Variants in TAF6L observed in about 807,000 individuals in gnomAD.
TAF6L encodes TAF6-like RNA polymerase II p300/CBP-associated factor-associated factor 65 kDa subunit 6L.
A neutral mutation model predicts 57.3 loss-of-function variants in TAF6L; 34 were observed. The observed-to-expected ratio is 0.59, with a 90% CI of 0.45 to 0.79. The LOEUF (loss-of-function observed/expected upper bound fraction) is 0.79. Ranked by LOEUF, TAF6L falls within the 30% of genes least tolerant of loss-of-function variation. The probability of loss-of-function intolerance (pLI) is 0.00; values close to 1 mark genes in which losing one functional copy is unlikely to be tolerated. For synonymous variants in TAF6L, 417 were observed against 376.3 expected, an observed-to-expected ratio of 1.11 and a Z score of -1.25; for missense variants, 782 against 853.2, an observed-to-expected ratio of 0.92 and a Z score of 1.04.
intron 9 of TAF6L, among the ~76,000 whole-genome samples, chr11:62,784,458 C>G (rs1030233676): frequency 1.3e-5 from 2 of 151,596 alleles, no homozygotes; most frequent in African/African-American, 4.9e-5. Context: ...AGGCGCCCGC[C>G]ACCATGCCCG....
At chr11:62,775,519 GT>G in intron 1 of TAF6L, 1 of 409,046 alleles carries the variant, frequency 2.4e-6, no homozygotes. Flanking sequence ...CACATAGAAG[GT>G]GACAGGGCAG....
chr11:62,783,428 G>A (rs1323346406), intron 9 of TAF6L, among the ~76,000 whole-genome samples: 1 of 151,412 alleles, frequency 6.6e-6, no homozygotes, highest in Non-Finnish European at 1.5e-5. Context: ...CTTGCAGTGA[G>A]CCGAGATTGC....
rs752585819 is a variant in TAF6L at position 62,787,315 on chromosome 11, C to G, written c.*19C>G. ...GCTCTGAGTCAGTGGCCCCTTCGTT[C>G]CTTGTAAATAAATCCCGCCCCCGGA... On this transcript the variant is annotated 3_prime_UTR_variant, in exon 11 of 11. Coordinates refer to ENST00000294168, the MANE Select transcript of TAF6L (RefSeq NM_006473.4). The G allele has an allele frequency of 6.6e-7, 1 of 1,526,696 alleles. No individual in the cohort carries two copies. The highest frequency in any genetic ancestry group is 1.4e-5 in the African/African-American group (1 of 71,448). 94.6% of individuals were successfully genotyped at this position (1,526,696 alleles called of 1,614,324 possible).
chr11:62,776,765 C>T (rs1163284532), intron 3 of TAF6L, among the ~76,000 whole-genome samples: 1 of 151,158 alleles, frequency 6.6e-6, no homozygotes, highest in African/African-American at 2.4e-5. Flanking sequence ...GCATGAGAAT[C>T]GCTTGAACCT....
Position 62,787,309 on chromosome 11 carries a change from T to C in TAF6L, c.*13T>C, listed in dbSNP as rs769202376. 3 of 1,530,570 alleles carry C rather than the reference T, an allele frequency of 2.0e-6. No homozygotes were observed. Among genetic ancestry groups the C allele is most frequent in the Non-Finnish European group, 1.7e-6 (2 of 1,146,242 alleles). 94.8% of individuals were successfully genotyped at this position (1,530,570 alleles called of 1,614,324 possible). ...CTTGCCGCTCTGAGTCAGTGGCCCC[T>C]TCGTTCCTTGTAAATAAATCCCGCC... is the stretch of plus-strand genomic sequence containing the variant. On this transcript the variant is annotated 3_prime_UTR_variant, in exon 11 of 11. Transcript: ENST00000294168.
chr11:62,778,411 C>A, intron 5 of TAF6L, 76 bp downstream of exon 5: 1 of 1,543,308 alleles, frequency 6.5e-7, no homozygotes, highest in Non-Finnish European at 8.9e-7. Context: ...CCTATGTGCC[C>A]CCGAGTCTGC....
intron 6 of TAF6L, 56 bp downstream of exon 6, chr11:62,779,019 GTTT>G (rs373542247): frequency 4.3e-3 from 3,938 of 922,078 alleles, no homozygotes; most frequent in East Asian, 5.3e-3. Context: ...TTCTAGACCT[GTTT>G]TTTTTTTTTT....
intron 2 of TAF6L, 69 bp downstream of exon 2, chr11:62,775,999 C>G: frequency 6.6e-7 from 1 of 1,520,668 alleles, no homozygotes; most frequent in Non-Finnish European, 8.9e-7. Context: ...CCTCCACCCT[C>G]GCTGATTTAT....
chr11:62,783,737 T>C (rs185178218), intron 9 of TAF6L, among the ~76,000 whole-genome samples: 1 of 151,762 alleles, frequency 6.6e-6, no homozygotes, highest in Non-Finnish European at 1.5e-5. Flanking sequence ...TTCATCATGT[T>C]AGCCAGGCTG....
chr11:62,778,466 G>T, intron 5 of TAF6L, 131 bp downstream of exon 5: 2 of 1,117,466 alleles, frequency 1.8e-6, no homozygotes, highest in Non-Finnish European at 2.6e-6. Flanking sequence ...CATGGTCTGA[G>T]TGGGCGCTGG....
At chr11:62,783,299 G>A (rs1051184519) in intron 9 of TAF6L, among the ~76,000 whole-genome samples, 1 of 152,028 alleles carries the variant, frequency 6.6e-6, no homozygotes, top group African/African-American at 2.4e-5. Flanking sequence ...TGGCTAACAC[G>A]GTGAAACCCC....
At position 62,779,952 on chromosome 11, in the gene TAF6L, C is replaced by CTATA. The variant is rs1225374367; in HGVS notation, c.531+1011_531+1014dup. 4.4e-3 allele frequency among the ~76,000 whole-genome samples: 439 copies of CTATA among 100,034 alleles called. 10 individuals carry two copies. The highest frequency in any genetic ancestry group is 8.1e-3 in the Middle Eastern group (1 of 124). 65.6% of individuals were successfully genotyped at this position (100,034 alleles called of 152,430 possible). ...AAGTGGTGGGATTACAGGCGTGAGC[C>CTATA]TATATATATATATATATATATATAT... is the stretch of plus-strand genomic sequence containing the variant. On this transcript the variant is annotated intron_variant, in intron 6 of 10. Transcript: ENST00000294168.
chr11:62,779,067 C>G, intron 6 of TAF6L, 104 bp downstream of exon 6: 7 of 970,772 alleles, frequency 7.2e-6, no homozygotes, highest in Non-Finnish European at 1.1e-5. Flanking sequence ...GTTGCCCAGG[C>G]TGGAGTGCAA....
Position 62,781,981 on chromosome 11 carries a change from G to A in TAF6L, c.606+13G>A. On this transcript the variant is annotated intron_variant, in intron 7 of 10. Coordinates refer to ENST00000294168, the MANE Select transcript of TAF6L (RefSeq NM_006473.4). ...TGTGGTCAGTGGGGTAAGTGACCAG[G>A]CTGGGACAGGGAGAATGTTTTATAA... is the stretch of plus-strand genomic sequence containing the variant. 1 of 1,613,688 alleles carries A rather than the reference G, an allele frequency of 6.2e-7. No homozygotes were observed. The highest frequency in any genetic ancestry group is 2.2e-5 in the East Asian group (1 of 44,880).
In TAF6L at chr11:62,781,912, C is replaced by A; in HGVS notation, c.550C>A (p.Gln184Lys). 1 of 1,614,146 alleles carries A rather than the reference C, an allele frequency of 6.2e-7. No individual in the cohort carries two copies. Among genetic ancestry groups the A allele is most frequent in the Non-Finnish European group, 8.5e-7 (1 of 1,180,036 alleles). ...QLMKVALQDL[Q>K]TNSKIGALLP... ...CTTTTAGGTTGCACTCCAGGACTTG[C>A]AGACGAACTCCAAGATTGGGGCACT... Residue 184 changes from glutamine to lysine, a missense_variant, in exon 7 of 11, where the codon CAG becomes AAG. Physicochemically the swap from Gln to Lys is moderately conservative, Grantham distance 53. Around this residue, in one of 3 missense-constraint regions of TAF6L, gnomAD observed 220 missense variants for 252.1 expected, o/e 0.87. Coordinates refer to ENST00000294168, the MANE Select transcript of TAF6L (RefSeq NM_006473.4).
At chr11:62,781,283 C>T (rs542086888) in intron 6 of TAF6L, among the ~76,000 whole-genome samples, 4 of 151,932 alleles carry the variant, frequency 2.6e-5, no homozygotes, top group South Asian at 2.1e-4. Context: ...ATTCCTCCAC[C>T]TACTTTTTTT....
chr11:62,777,895 C>G (rs1196982737), intron 3 of TAF6L, 83 bp from the exon 4 acceptor site: 33 of 1,514,462 alleles, frequency 2.2e-5, no homozygotes, highest in Non-Finnish European at 2.8e-5. Flanking sequence ...GCTCTCTGCT[C>G]TGGTCAGTGG....
At chr11:62,776,261 G>A (rs1389057378) in intron 2 of TAF6L, 123 bp from the exon 3 acceptor site, 1 of 955,418 alleles carries the variant, frequency 1.0e-6, no homozygotes, top group Non-Finnish European at 1.6e-6. Flanking sequence ...CGGAATCTAG[G>A]CTTCTGATCC....
At chr11:62,777,934 C>T (rs1158038827) in intron 3 of TAF6L, 44 bp from the exon 4 acceptor site, 3 of 1,604,832 alleles carry the variant, frequency 1.9e-6, no homozygotes, top group South Asian at 2.2e-5. Flanking sequence ...GACGCCTGCT[C>T]CCTCCCTGGA....
Sources: allele counts gnomAD v4.1 joint callset (sites outside exome capture counted in the v4.1 genomes callset), GRCh38; gene constraint gnomAD v4.1.1; regional missense constraint gnomAD v4.1.1; transcripts MANE v1.5; gene names NCBI Gene and HGNC (gene_info 2026-07-23, HGNC 2026-07-21).